The following TMIGD3 variants were observed in gnomAD, a reference collection of about 807,000 sequenced individuals.
TMIGD3 encodes the protein AD026 protein (AD026).
A neutral mutation model predicts 28.1 loss-of-function variants in TMIGD3; 21 were observed. The observed-to-expected ratio is 0.75, with a 90% CI of 0.53 to 1.08. TMIGD3 has a LOEUF of 1.08. Among genes scored for constraint, TMIGD3 ranks in the 50% least tolerant of loss-of-function variants. The pLI is 0.00. For missense variants in TMIGD3, 416 were observed against 435.6 expected (o/e 0.96, Z 0.40); for synonymous variants, 151 against 162.1 (o/e 0.93, Z 0.52).
At chr1:111,484,987 G>T (rs1421815351) in intron 5 of TMIGD3, among the ~76,000 whole-genome samples, 1 of 152,214 alleles carries the variant, frequency 6.6e-6, no homozygotes, top group Admixed American at 6.5e-5. Flanking sequence ...AGTAAGACCA[G>T]CCTTGTCTTA....
chr1:111,498,297 T>C (rs1654984690), intron 1 of TMIGD3, among the ~76,000 whole-genome samples: 1 of 152,238 alleles, frequency 6.6e-6, no homozygotes, highest in South Asian at 2.1e-4. Context: ...AGCTAAAATA[T>C]TTTCTTGAAA....
intron 1 of TMIGD3, among the ~76,000 whole-genome samples, chr1:111,537,270 T>C (rs563960485): frequency 6.6e-6 from 1 of 152,234 alleles, no homozygotes; most frequent in Non-Finnish European, 1.5e-5. Flanking sequence ...TTTGTTCACC[T>C]GGATTCTGAG....
chr1:111,552,023 C>A (rs1657282618), intron 1 of TMIGD3, among the ~76,000 whole-genome samples: 1 of 152,190 alleles, frequency 6.6e-6, no homozygotes, highest in African/African-American at 2.4e-5. Flanking sequence ...CTCATTTAGG[C>A]TTTTCTCCCA....
intron 1 of TMIGD3, chr1:111,499,697 A>C (rs191642128): frequency 7.0e-6 from 9 of 1,279,582 alleles, no homozygotes; most frequent in Non-Finnish European, 9.0e-6. Flanking sequence ...AACAGACAAT[A>C]ATATCAATAA....
intron 1 of TMIGD3, among the ~76,000 whole-genome samples, chr1:111,550,711 C>A (rs899110877): frequency 6.6e-6 from 1 of 152,306 alleles, no homozygotes; most frequent in South Asian, 2.1e-4. Flanking sequence ...GCCCAGCAGG[C>A]CTTGAACTCC....
At chr1:111,503,860 T>C, upstream of TMIGD3, 1 of 994,946 alleles carries the variant, frequency 1.0e-6, no homozygotes. Context: ...GAGACAAGAT[T>C]GGGTATCAGA....
chr1:111,500,745 A>G (rs754982516), intron 1 of TMIGD3: 10 of 607,612 alleles, frequency 1.6e-5, no homozygotes, highest in Non-Finnish European at 2.8e-5. Context: ...GGATACGAAG[A>G]CAAGATGAGC....
intron 2 of TMIGD3, chr1:111,489,586 T>C (rs1654556591): frequency 1.8e-6 from 2 of 1,100,826 alleles, no homozygotes; most frequent in Non-Finnish European, 2.3e-6. Context: ...AGAAGTCCTT[T>C]TCCCTGGCCT....
At chr1:111,532,965 C>T (rs567508322) in intron 1 of TMIGD3, among the ~76,000 whole-genome samples, 2 of 152,334 alleles carry the variant, frequency 1.3e-5, no homozygotes, top group Non-Finnish European at 2.9e-5. Context: ...TTTATCCACA[C>T]TGCTCTGTAG....
chr1:111,513,292 G>A (rs139367566), intron 1 of TMIGD3, among the ~76,000 whole-genome samples: 1 of 152,312 alleles, frequency 6.6e-6, no homozygotes, highest in African/African-American at 2.4e-5. Context: ...CAGGGTGTGA[G>A]GGTTGCTGAA....
chr1:111,556,590 A>G (rs1267222584), intron 1 of TMIGD3, among the ~76,000 whole-genome samples: 2 of 152,210 alleles, frequency 1.3e-5, no homozygotes, highest in East Asian at 3.8e-4. Context: ...GGAAATTCCA[A>G]CACAAGCTAC....
At chr1:111,489,526 G>C (rs1654553230) in intron 2 of TMIGD3, 9 of 990,414 alleles carry the variant, frequency 9.1e-6, no homozygotes, top group Non-Finnish European at 9.9e-6. Flanking sequence ...CTGTGGTTTT[G>C]TTGCTGTTGT....
In TMIGD3 at chr1:111,500,755, C is replaced by CAGA. The variant is rs560075103; in HGVS notation, c.350+2247_350+2249dup. 6.2e-4 allele frequency: 368 copies of CAGA among 589,170 alleles called. 1 individual carries two copies. Among genetic ancestry groups the CAGA allele is most frequent in the African/African-American group, 6.0e-3 (326 of 54,242 alleles). The allele number at this position is 589,170 out of a possible 1,614,324, so 36.5% of individuals were successfully genotyped here. Reference sequence around the variant, plus strand: ...CCACTGGATACGAAGACAAGATGAGCAGACAACGATTGGAGAAAAATCCAG... The same window carrying CAGA: ...CCACTGGATACGAAGACAAGATGAGCAGAAGACAACGATTGGAGAAAAATCCAG... On this transcript the variant is annotated intron_variant, in intron 1 of 5. Coordinates refer to ENST00000369716, the MANE Select transcript of TMIGD3 (RefSeq NM_020683.7).
At chr1:111,539,595 C>A (rs999701263) in intron 1 of TMIGD3, among the ~76,000 whole-genome samples, 1 of 152,112 alleles carries the variant, frequency 6.6e-6, no homozygotes, top group African/African-American at 2.4e-5. Flanking sequence ...TGTGCCTGGC[C>A]TATGCTATTA....
chr1:111,488,662 A>C lies in TMIGD3; in HGVS notation c.805+15T>G, dbSNP rs1203491199. 6.2e-7 allele frequency: 1 copy of C among 1,604,686 alleles called. No homozygotes were observed. The highest frequency in any genetic ancestry group is 1.3e-5 in the African/African-American group (1 of 74,762). On this transcript the variant is annotated intron_variant, in intron 3 of 5. Coordinates refer to ENST00000369716, the MANE Select transcript of TMIGD3 (RefSeq NM_020683.7). ...TGTGGGTTACATCCAGCCAGACCCC[A>C]GGCAGGCTCCTTACCTTTCCCAGAC... is the stretch of plus-strand genomic sequence containing the variant.
chr1:111,488,734 C>CTGTAAAATCCA lies in TMIGD3; in HGVS notation c.737_747dup (p.Glu250TrpfsTer6). The stretch of plus-strand genomic sequence containing the variant: ...CCTTTGTCGTCAGTTACAATCAGCT[C>CTGTAAAATCCA]TGTAAAATCCATGTCATCCCTGGCA... On this transcript the variant is annotated frameshift_variant, in exon 3 of 6. Coordinates refer to ENST00000369716, the MANE Select transcript of TMIGD3 (RefSeq NM_020683.7). LOFTEE classifies it high-confidence loss of function. 6.2e-7 allele frequency: 1 copy of CTGTAAAATCCA among 1,614,212 alleles called. No homozygotes were observed. The highest frequency in any genetic ancestry group is 8.5e-7 in the Non-Finnish European group (1 of 1,180,042).
intron 1 of TMIGD3, chr1:111,563,720 CG>C: frequency 5.8e-6 from 4 of 695,320 alleles, no homozygotes; most frequent in Non-Finnish European, 1.0e-5. Flanking sequence ...CTATTTTACA[CG>C]CTAGGACAAA....
chr1:111,530,661 T>C (rs1177869137), intron 1 of TMIGD3, among the ~76,000 whole-genome samples: 1 of 152,224 alleles, frequency 6.6e-6, no homozygotes, highest in East Asian at 1.9e-4. Context: ...GTTTACATTG[T>C]TTCTGACATG....
At chr1:111,563,163 T>C (rs1045303221) in intron 1 of TMIGD3, among the ~76,000 whole-genome samples, 7 of 152,144 alleles carry the variant, frequency 4.6e-5, no homozygotes, top group Non-Finnish European at 1.0e-4. Context: ...TAGTTCCAGC[T>C]ACTCAGGTGG....
Sources: allele counts gnomAD v4.1 joint callset (sites outside exome capture counted in the v4.1 genomes callset), GRCh38; gene constraint gnomAD v4.1.1; transcripts MANE v1.5; gene names NCBI Gene and HGNC (gene_info 2026-07-23, HGNC 2026-07-21).